ERC1: variants seen among roughly 807,000 people sequenced by gnomAD.
ERC1 encodes the protein RAB6 interacting protein 2.
In ERC1, 56 loss-of-function variants were observed where a neutral mutation model predicts 132.0. The ratio of observed to expected loss-of-function variants is 0.42; its 90% CI spans 0.34 to 0.53. ERC1 has a LOEUF of 0.53. Among genes scored for constraint, ERC1 ranks in the 20% least tolerant of loss-of-function variants. The pLI is 0.03. For synonymous variants in ERC1, 478 were observed against 476.1 expected (o/e 1.00, Z -0.05); for missense variants, 1,202 against 1,349.9 (o/e 0.89, Z 1.72).
chr12:1,460,830 T>G (rs1049790461), intron 18 of ERC1, among the ~76,000 whole-genome samples: 4 of 151,650 alleles, frequency 2.6e-5, no homozygotes, highest in Middle Eastern at 3.4e-3. Flanking sequence ...CATCCTAACT[T>G]GAACTCCATA....
intron 15 of ERC1, among the ~76,000 whole-genome samples, chr12:1,304,929 A>G (rs1360893312): frequency 6.6e-6 from 1 of 150,758 alleles, no homozygotes; most frequent in Non-Finnish European, 1.5e-5. Flanking sequence ...AGCTGGGACT[A>G]CAGGCGCCCG....
chr12:1,139,828 G>A (rs1339065297), intron 7 of ERC1, among the ~76,000 whole-genome samples: 1 of 151,966 alleles, frequency 6.6e-6, no homozygotes, highest in African/African-American at 2.4e-5. Context: ...TAGATCAGAG[G>A]TCATGCTATG....
At chr12:1,447,545 A>AAC (rs1491090652) in intron 18 of ERC1, among the ~76,000 whole-genome samples, 2 of 136,434 alleles carry the variant, frequency 1.5e-5, no homozygotes, top group African/African-American at 6.1e-5. Flanking sequence ...CAACAACAAC[A>AAC]AAAAAAAAAA....
At chr12:1,121,119 C>A (rs1209367852) in intron 7 of ERC1, among the ~76,000 whole-genome samples, 2 of 152,122 alleles carry the variant, frequency 1.3e-5, no homozygotes, top group African/African-American at 2.4e-5. Flanking sequence ...CTTAGAGTAA[C>A]CTTCTAAGAA....
intron 13 of ERC1, among the ~76,000 whole-genome samples, chr12:1,245,397 GATC>G (rs2076097127): frequency 1.3e-5 from 2 of 152,016 alleles, no homozygotes; most frequent in Admixed American, 1.3e-4. Context: ...TTCTTTTGTT[GATC>G]ATTATTTGTG....
chr12:1,034,056 A>C (rs1444357364), intron 2 of ERC1, among the ~76,000 whole-genome samples: 1 of 152,134 alleles, frequency 6.6e-6, no homozygotes, highest in Non-Finnish European at 1.5e-5. Flanking sequence ...CTGTATTTTT[A>C]GGGGTTGTAT....
At chr12:1,080,320 T>C (rs567502524) in intron 2 of ERC1, among the ~76,000 whole-genome samples, 1 of 152,222 alleles carries the variant, frequency 6.6e-6, no homozygotes, top group Non-Finnish European at 1.5e-5. Flanking sequence ...ACTGTTCTAG[T>C]TCCTTCTTTA....
intron 1 of ERC1, among the ~76,000 whole-genome samples, chr12:1,010,049 T>C (rs1339896938): frequency 6.6e-6 from 1 of 152,210 alleles, no homozygotes; most frequent in East Asian, 1.9e-4. Flanking sequence ...AGGCTAAATC[T>C]GCAGAATTTG....
chr12:1,096,757 T>C (rs997811789), intron 3 of ERC1, among the ~76,000 whole-genome samples: 5 of 152,204 alleles, frequency 3.3e-5, no homozygotes, highest in Non-Finnish European at 7.3e-5. Context: ...AACAGGTGTA[T>C]AGTTAAGTAA....
chr12:1,154,235 GTATATGTATATGTATATGTA>G (rs1257884241), intron 8 of ERC1, among the ~76,000 whole-genome samples: 1 of 76,200 alleles, frequency 1.3e-5, no homozygotes, highest in African/African-American at 7.2e-5. Flanking sequence ...ATATGTATAT[GTATATGTATATGTATATGTA>G]TATGTGTATA....
chr12:1,205,560 C>T (rs1301543514), intron 12 of ERC1, among the ~76,000 whole-genome samples: 1 of 151,902 alleles, frequency 6.6e-6, no homozygotes, highest in Admixed American at 6.6e-5. Flanking sequence ...ATGCCCCCTG[C>T]CCATTTTGAG....
chr12:1,294,387 T>C (rs1342890625), intron 15 of ERC1, among the ~76,000 whole-genome samples: 1 of 152,192 alleles, frequency 6.6e-6, no homozygotes, highest in East Asian at 1.9e-4. Context: ...AAGCCTCAAG[T>C]GGCTGGAATA....
intron 18 of ERC1, among the ~76,000 whole-genome samples, chr12:1,478,158 CTCCCACCGG>C (rs1185405049): frequency 6.6e-6 from 1 of 152,216 alleles, no homozygotes; most frequent in Non-Finnish European, 1.5e-5. Flanking sequence ...GCCATTTACA[CTCCCACCGG>C]GAGTGTAGGA....
At chr12:1,219,892 G>C (rs12308885) in intron 12 of ERC1, among the ~76,000 whole-genome samples, 2 of 152,094 alleles carry the variant, frequency 1.3e-5, no homozygotes, top group African/African-American at 4.8e-5. Flanking sequence ...TGAACTCTTA[G>C]ACATTGTCAC....
chr12:1,353,028 CTTTTTTT>C (rs547540688), intron 15 of ERC1, among the ~76,000 whole-genome samples: 1 of 123,014 alleles, frequency 8.1e-6, no homozygotes, highest in African/African-American at 3.0e-5. Flanking sequence ...CTTTTCTTTT[CTTTTTTT>C]TTTTTTTTTT....
At chr12:1,051,176 A>G (rs761946953) in intron 2 of ERC1, among the ~76,000 whole-genome samples, 2 of 152,184 alleles carry the variant, frequency 1.3e-5, no homozygotes, top group Non-Finnish European at 2.9e-5. Context: ...CACACTTGGA[A>G]TCTGGGGCAT....
chr12:1,121,737 CTCTATCTATCTCTATCTCTATCTCTA>C (rs1947202295), intron 7 of ERC1, among the ~76,000 whole-genome samples: 1 of 5,790 alleles, frequency 1.7e-4, no homozygotes, highest in African/African-American at 3.1e-4. Flanking sequence ...CTATCTCTAT[CTCTATCTATCTCTATCTCTATCTCTA>C]TCTATCTCTA....
chr12:1,061,007 G>T (rs1015015408), intron 2 of ERC1, among the ~76,000 whole-genome samples: 1 of 152,102 alleles, frequency 6.6e-6, no homozygotes, highest in Admixed American at 6.5e-5. Context: ...GATTACAGGC[G>T]TGAGCCACCA....
chr12:1,362,168 C>T (rs1301906456), intron 15 of ERC1, among the ~76,000 whole-genome samples: 1 of 152,146 alleles, frequency 6.6e-6, no homozygotes, highest in African/African-American at 2.4e-5. Flanking sequence ...ATATTTAACA[C>T]TAAGTGGCCA....
Sources: allele counts gnomAD v4.1 joint callset (sites outside exome capture counted in the v4.1 genomes callset), GRCh38; gene constraint gnomAD v4.1.1; transcripts MANE v1.5; gene names NCBI Gene and HGNC (gene_info 2026-07-23, HGNC 2026-07-21).